Variants in FBXO32 observed in about 807,000 individuals in gnomAD.
The protein encoded by FBXO32 is F-box only protein 32.
Under a neutral mutation model 48.3 loss-of-function variants are expected in FBXO32, and 15 were observed. The ratio of observed to expected loss-of-function variants is 0.31; its 90% CI spans 0.21 to 0.48. The LOEUF is 0.48. Ranked by LOEUF, FBXO32 falls within the 20% of genes least tolerant of loss-of-function variation. The pLI, the probability that FBXO32 is intolerant of heterozygous loss-of-function variation, is 0.99. For synonymous variants in FBXO32, 154 were observed against 165.9 expected (o/e 0.93, Z 0.55); for missense variants, 309 against 432.7 (o/e 0.71, Z 2.54).
chr8:123,534,720 T>C lies in FBXO32; in HGVS notation c.211A>G (p.Ser71Gly). Residue 71 changes from serine (S) to glycine (G), a missense_variant, in exon 2 of 9, where the codon AGC (serine) becomes GGC (glycine). Coordinates refer to ENST00000517956, the MANE Select transcript of FBXO32 (RefSeq NM_058229.4). ...GGCTTACACTGAGTTTTGGTTTTGCTATTCAGCATGTCCTTCTTTCTCTTC... is the reference window on the plus strand; with the variant it reads ...GGCTTACACTGAGTTTTGGTTTTGCCATTCAGCATGTCCTTCTTTCTCTTC... ...AKKRKKDMLN[S>G]KTKTQYFHQE... is the part of the protein sequence containing the mutation. 3 of 1,613,268 alleles carry C rather than the reference T, an allele frequency of 1.9e-6. No individual in the cohort carries two copies. The highest frequency in any genetic ancestry group is 2.5e-6 in the Non-Finnish European group (3 of 1,179,290).
intron 4 of FBXO32, among the ~76,000 whole-genome samples, chr8:123,530,677 G>A (rs1356779775): frequency 6.6e-6 from 1 of 152,006 alleles, no homozygotes; most frequent in African/African-American, 2.4e-5. Flanking sequence ...GTGCAATGGC[G>A]CCATCTCGCT....
chr8:123,523,602 C>T (rs1817008438), intron 4 of FBXO32, among the ~76,000 whole-genome samples: 2 of 114,636 alleles, frequency 1.7e-5, no homozygotes, highest in Admixed American at 8.4e-5. Flanking sequence ...ACAAAACAAA[C>T]AACAACAACA....
intron 4 of FBXO32, among the ~76,000 whole-genome samples, chr8:123,528,079 TC>T (rs1320178878): frequency 6.6e-6 from 1 of 152,222 alleles, no homozygotes; most frequent in Admixed American, 6.5e-5. Flanking sequence ...CTGATTGGGA[TC>T]ACCAGGCAGA....
chr8:123,523,099 C>T (rs1474047796), intron 4 of FBXO32, among the ~76,000 whole-genome samples: 1 of 152,176 alleles, frequency 6.6e-6, no homozygotes, highest in East Asian at 1.9e-4. Context: ...AGACCTCTTC[C>T]TGTAGTGGAC....
chr8:123,504,783 A>G, intron 7 of FBXO32, 36 bp from the exon 8 acceptor site: 1 of 1,600,502 alleles, frequency 6.2e-7, no homozygotes, highest in South Asian at 1.1e-5. Context: ...ATGACAGGAG[A>G]GTTTGTCAAG....
Position 123,513,775 on chromosome 8 carries a change from ACT to A in FBXO32, c.467-395_467-394del, listed in dbSNP as rs1365568899. Among the ~76,000 whole-genome samples the A allele has an allele frequency of 6.6e-6, 1 of 151,772 alleles. No homozygotes were observed. Among genetic ancestry groups the A allele is most frequent in the African/African-American group, 2.4e-5 (1 of 41,264 alleles). On this transcript the variant is annotated intron_variant, in intron 5 of 8. Transcript: ENST00000517956. This position sits in a 1 kb window ranked among gnomAD's most constrained non-coding sequence, Gnocchi z 4.3. ...CCTGGGTTCTAATCCTGTCTGGCTG[ACT>A]CTCTGTGTGATTATGGACAAATCAC... is the stretch of plus-strand genomic sequence containing the variant.
rs35117009 is a variant in FBXO32 at position 123,513,297 on chromosome 8, G to C, written c.552C>G (p.Val184=). The part of the protein sequence containing the change: ...YTSLCTLVQR[V]GKSVLVGNIN... ...TGTTCCCGACCAGCACAGACTTGCC[G>C]ACTCTTTGGACCAGTGTACATAAGG... Residue 184 remains valine, a synonymous_variant, in exon 6 of 9, where the codon GTC becomes GTG. Transcript: ENST00000517956. The surrounding 1 kb of genome is among the most constrained non-coding windows in gnomAD (Gnocchi z 4.3). 1 of 1,614,144 alleles carries C rather than the reference G, an allele frequency of 6.2e-7. No homozygotes were observed. Among genetic ancestry groups the C allele is most frequent in the African/African-American group, 1.3e-5 (1 of 75,032 alleles).
intron 6 of FBXO32, among the ~76,000 whole-genome samples, chr8:123,507,948 C>G (rs1816661880): frequency 6.6e-6 from 1 of 152,158 alleles, no homozygotes; most frequent in African/African-American, 2.4e-5. Context: ...GAATCTGCAC[C>G]TGGGAATCCG....
chr8:123,514,225 T>C lies in FBXO32; in HGVS notation c.466+15A>G, dbSNP rs772427964. The stretch of plus-strand genomic sequence containing the variant: ...ATGCCTATAAAAAGGGGCGAGAGAG[T>C]GAGAGAAGGCTCACCTTTCAGTACC... On this transcript the variant is annotated intron_variant, in intron 5 of 8. Coordinates refer to ENST00000517956, the MANE Select transcript of FBXO32 (RefSeq NM_058229.4). The C allele has an allele frequency of 4.4e-6, 7 of 1,599,996 alleles. No individual in the cohort carries two copies. The African/African-American group carries it at 6.7e-5, about 15-fold the overall frequency.
intron 3 of FBXO32, chr8:123,532,196 T>C: frequency 2.2e-6 from 3 of 1,368,022 alleles, no homozygotes; most frequent in Non-Finnish European, 1.9e-6. Context: ...GCTGCCTCAG[T>C]CAGCCCCTCA....
chr8:123,519,304 AG>A (rs1180289644), intron 4 of FBXO32, among the ~76,000 whole-genome samples: 1 of 152,202 alleles, frequency 6.6e-6, no homozygotes, highest in Admixed American at 6.5e-5. Context: ...CTGTAATCCC[AG>A]CACTTGGGGA....
At chr8:123,503,749 T>C (rs1027192253) in intron 8 of FBXO32, among the ~76,000 whole-genome samples, 1 of 152,138 alleles carries the variant, frequency 6.6e-6, no homozygotes, top group Non-Finnish European at 1.5e-5. Flanking sequence ...GACCTGCTGT[T>C]AGATCAGTAA....
intron 4 of FBXO32, among the ~76,000 whole-genome samples, chr8:123,526,273 T>C (rs1159272868): frequency 2.0e-5 from 3 of 152,034 alleles, no homozygotes; most frequent in Non-Finnish European, 4.4e-5. Context: ...TCACCCAGGC[T>C]GGAGTGCAGT....
chr8:123,538,527 C>G (rs905815844), intron 1 of FBXO32, among the ~76,000 whole-genome samples: 2 of 152,096 alleles, frequency 1.3e-5, no homozygotes, highest in African/African-American at 4.8e-5. Context: ...ATCACCAAGA[C>G]CAAAAACAGT....
rs529614437 is a variant in FBXO32, at chr8:123,500,663, T to G, written c.*2710A>C. 6.6e-6 allele frequency: 1 copy of G among 152,366 alleles called. No homozygotes were observed. Among genetic ancestry groups the G allele is most frequent in the African/African-American group, 2.4e-5 (1 of 41,580 alleles). 9.4% of individuals were successfully genotyped at this position (152,366 alleles called of 1,614,324 possible). ...ACGTGGCACTAACACAGATATGTTG[T>G]GCCTGCTGTGCTCTTCCCATTGTCC... On this transcript the variant is annotated 3_prime_UTR_variant, in exon 9 of 9. Transcript: ENST00000517956.
intron 4 of FBXO32, among the ~76,000 whole-genome samples, chr8:123,516,508 C>T (rs1289987403): frequency 6.6e-6 from 1 of 152,124 alleles, no homozygotes; most frequent in Non-Finnish European, 1.5e-5. Flanking sequence ...AGGGAAGAAG[C>T]AAAATGAAAT....
At chr8:123,518,107 A>G (rs772435171) in intron 4 of FBXO32, among the ~76,000 whole-genome samples, 1 of 152,190 alleles carries the variant, frequency 6.6e-6, no homozygotes, top group Admixed American at 6.5e-5. Flanking sequence ...CAGATTTGGC[A>G]CCTGGGCTAT....
At chr8:123,539,356 G>T (rs1817369443) in intron 1 of FBXO32, among the ~76,000 whole-genome samples, 2 of 152,184 alleles carry the variant, frequency 1.3e-5, no homozygotes, top group Non-Finnish European at 2.9e-5. Context: ...AGGAAGGAAG[G>T]TTCCCATTTT....
chr8:123,521,076 C>T (rs1816943500), intron 4 of FBXO32, among the ~76,000 whole-genome samples: 2 of 152,204 alleles, frequency 1.3e-5, no homozygotes, highest in African/African-American at 4.8e-5. Flanking sequence ...TCCCTGTTGC[C>T]ATCTTCACCT....
Sources: gnomAD v4.1 joint callset for allele counts (sites outside exome capture counted in the v4.1 genomes callset) on GRCh38, gnomAD v4.1.1 for gene constraint, Gnocchi (gnomAD v3.1) non-coding constraint, MANE v1.5 for transcripts, NCBI Gene and HGNC (gene_info 2026-07-23, HGNC 2026-07-21) for gene names.